Variants in NYAP2 observed in about 807,000 individuals in gnomAD.
NYAP2 encodes the protein neuronal tyrosine-phosphorylated phosphoinositide-3-kinase adapter 2.
In NYAP2, 23 loss-of-function variants were observed where a neutral mutation model predicts 50.4. The observed-to-expected ratio is 0.46, with a 90% CI of 0.33 to 0.65. The LOEUF is 0.65. NYAP2 is among the 30% of genes least tolerant of loss of function. The pLI, the probability that NYAP2 is intolerant of heterozygous loss-of-function variation, is 0.02. For synonymous variants in NYAP2, 394 were observed against 365.2 expected (o/e 1.08, Z -0.90); for missense variants, 885 against 861.0 (o/e 1.03, Z -0.35).
the NYAP2 span, among the ~76,000 whole-genome samples, chr2:225,663,758 A>G: frequency 6.6e-6 from 1 of 152,040 alleles, no homozygotes; most frequent in Non-Finnish European, 1.5e-5. Flanking sequence ...GGGTTTCACC[A>G]TGTTGGCCAG....
At chr2:225,583,585 T>C (rs752644677) in intron 5 of NYAP2, among the ~76,000 whole-genome samples, 2 of 151,652 alleles carry the variant, frequency 1.3e-5, no homozygotes, top group African/African-American at 4.9e-5. Flanking sequence ...GTACAAAATC[T>C]AAGTTCTTAC....
At chr2:225,455,757 T>C (rs1689729361) in intron 3 of NYAP2, among the ~76,000 whole-genome samples, 1 of 152,226 alleles carries the variant, frequency 6.6e-6, no homozygotes, top group African/African-American at 2.4e-5. Context: ...CTCACACATA[T>C]CTTTCAGTCT....
chr2:225,581,158 T>G (rs1430971825), intron 4 of NYAP2, among the ~76,000 whole-genome samples: 9 of 152,208 alleles, frequency 5.9e-5, no homozygotes, highest in Non-Finnish European at 2.9e-5. Context: ...AAGTTATTCT[T>G]GAAACTTACA....
chr2:225,678,684 G>T, the NYAP2 span, among the ~76,000 whole-genome samples: 28 of 152,202 alleles, frequency 1.8e-4, no homozygotes, highest in East Asian at 5.4e-3. Flanking sequence ...ACATATACTT[G>T]AATTGCATGA....
chr2:225,542,843 T>C (rs1354656775), intron 4 of NYAP2, among the ~76,000 whole-genome samples: 4 of 152,110 alleles, frequency 2.6e-5, no homozygotes, highest in Non-Finnish European at 5.9e-5. Context: ...GGAATTGGTA[T>C]TAGTTCTTCT....
chr2:225,460,004 T>A (rs1689801376), intron 3 of NYAP2, among the ~76,000 whole-genome samples: 2 of 152,282 alleles, frequency 1.3e-5, no homozygotes, highest in South Asian at 4.2e-4. Flanking sequence ...GGAAACTCAG[T>A]TCGAGGTAGC....
the NYAP2 span, among the ~76,000 whole-genome samples, chr2:225,670,830 G>A: frequency 6.6e-6 from 1 of 152,026 alleles, no homozygotes. Context: ...AATAAAGCAA[G>A]TCTCAATAAT....
chr2:225,536,328 G>T lies in NYAP2; in HGVS notation c.523+22656G>T, dbSNP rs150198618. On this transcript the variant is annotated intron_variant, in intron 4 of 6. Transcript: ENST00000636099. Reference sequence around the variant, plus strand: ...CCCTCTTGCCCTGAAAAATTCACCTGCTTCCTGCCCCTTGTCATTACTCAT... The same window carrying T: ...CCCTCTTGCCCTGAAAAATTCACCTTCTTCCTGCCCCTTGTCATTACTCAT... 7.5e-3 allele frequency among the ~76,000 whole-genome samples: 1,140 copies of T among 152,198 alleles called. 8 individuals carry two copies. Among genetic ancestry groups the T allele is most frequent in the African/African-American group, 0.026 (1,060 of 41,522 alleles).
At chr2:225,595,369 A>G (rs758616181) in intron 5 of NYAP2, among the ~76,000 whole-genome samples, 1 of 152,218 alleles carries the variant, frequency 6.6e-6, no homozygotes, top group Non-Finnish European at 1.5e-5. Flanking sequence ...AGAAGGATGA[A>G]AAAGGATTTA....
intron 3 of NYAP2, among the ~76,000 whole-genome samples, chr2:225,422,270 A>G (rs1281249230): frequency 6.6e-6 from 1 of 152,222 alleles, no homozygotes; most frequent in Non-Finnish European, 1.5e-5. Flanking sequence ...AGCAAATCAT[A>G]CTGAATCTCA....
chr2:225,418,201 A>T (rs2106124952), intron 3 of NYAP2, among the ~76,000 whole-genome samples: 1 of 152,268 alleles, frequency 6.6e-6, no homozygotes, highest in African/African-American at 2.4e-5. Context: ...AAAGGTCGTA[A>T]TGGGGAGCAT....
At chr2:225,651,928 T>C in exon 7 of NYAP2, 1 of 178,316 alleles carries the variant, frequency 5.6e-6, no homozygotes, top group Admixed American at 6.0e-5. Context: ...TTTGATAAAT[T>C]TATCTACTTT....
At chr2:225,466,301 T>G (rs1189383132) in intron 3 of NYAP2, among the ~76,000 whole-genome samples, 3 of 152,364 alleles carry the variant, frequency 2.0e-5, no homozygotes, top group African/African-American at 7.2e-5. Flanking sequence ...TTTGCTTTTG[T>G]TCATTTTCTG....
chr2:225,696,606 T>G, the NYAP2 span, among the ~76,000 whole-genome samples: 24 of 151,970 alleles, frequency 1.6e-4, no homozygotes, highest in African/African-American at 5.8e-4. Flanking sequence ...GATTTAGCTT[T>G]GTTCACACCA....
chr2:225,462,832 A>G (rs1241287734), intron 3 of NYAP2, among the ~76,000 whole-genome samples: 1 of 152,112 alleles, frequency 6.6e-6, no homozygotes, highest in Non-Finnish European at 1.5e-5. Flanking sequence ...GTGGCATCTG[A>G]CTGTTTACCC....
At chr2:225,429,867 C>T (rs1695340839) in intron 3 of NYAP2, among the ~76,000 whole-genome samples, 1 of 152,192 alleles carries the variant, frequency 6.6e-6, no homozygotes, top group Non-Finnish European at 1.5e-5. Flanking sequence ...ATGTACTTAC[C>T]ATGGCAACCC....
rs969877753 is a variant in NYAP2 at position 225,477,067 on chromosome 2, T to C, written c.222-36304T>C. ...AATTACACAATGCCCCACATATATG[T>C]AGTACACATCATATCCAGCACTTGT... On this transcript the variant is annotated intron_variant, in intron 3 of 6. Transcript: ENST00000636099. Among the ~76,000 whole-genome samples, 5 of 152,208 alleles carry C rather than the reference T, an allele frequency of 3.3e-5. No homozygotes were observed. The South Asian group carries it at 1.0e-3, about 32-fold the overall frequency.
intron 5 of NYAP2, among the ~76,000 whole-genome samples, chr2:225,602,208 A>G (rs141355773): frequency 6.6e-6 from 1 of 152,294 alleles, no homozygotes; most frequent in African/African-American, 2.4e-5. Flanking sequence ...ATTGGAGGTA[A>G]ATGTGAAGGC....
chr2:225,561,741 T>C (rs1250779039), intron 4 of NYAP2, among the ~76,000 whole-genome samples: 1 of 152,100 alleles, frequency 6.6e-6, no homozygotes, highest in Non-Finnish European at 1.5e-5. Flanking sequence ...AATGTAAAAA[T>C]CAGTATGTTT....
Sources: allele counts gnomAD v4.1 joint callset (sites outside exome capture counted in the v4.1 genomes callset), GRCh38; gene constraint gnomAD v4.1.1; transcripts MANE v1.5; gene names NCBI Gene and HGNC (gene_info 2026-07-23, HGNC 2026-07-21).